HS3ST1: variants seen among roughly 807,000 people sequenced by gnomAD.
The protein encoded by HS3ST1 is heparan sulfate glucosamine 3-O-sulfotransferase 1.
Under a neutral mutation model 20.7 loss-of-function variants are expected in HS3ST1, and 8 were observed. The observed-to-expected ratio is 0.39, with a 90% CI of 0.23 to 0.70. HS3ST1 has a LOEUF of 0.70. Ranked by LOEUF, HS3ST1 falls within the 30% of genes least tolerant of loss-of-function variation. The probability of loss-of-function intolerance (pLI) is 0.46; values close to 1 mark genes in which losing one functional copy is unlikely to be tolerated. For missense variants in HS3ST1, 436 were observed against 423.4 expected, an observed-to-expected ratio of 1.03 and a Z score of -0.26; for synonymous variants, 205 against 190.4, an observed-to-expected ratio of 1.08 and a Z score of -0.63.
chr4:11,427,098 C>CTTT (rs967208615), intron 1 of HS3ST1, among the ~76,000 whole-genome samples: 1 of 151,622 alleles, frequency 6.6e-6, no homozygotes, highest in African/African-American at 2.4e-5. Context: ...TTTCTCCCTC[C>CTTT]TTTTTTTTTC....
upstream of HS3ST1, chr4:11,429,914 G>T (rs1560239913): frequency 6.6e-6 from 1 of 151,922 alleles, no homozygotes; most frequent in Non-Finnish European, 1.5e-5. Flanking sequence ...ATCATACCCC[G>T]CCAAAAGCAA....
upstream of HS3ST1, chr4:11,429,549 C>G (rs1364712399): frequency 6.7e-6 from 1 of 149,142 alleles, no homozygotes; most frequent in Non-Finnish European, 1.5e-5. Flanking sequence ...GAGCCGGCTT[C>G]AAAGAGCGCC....
In HS3ST1 at chr4:11,398,199, C is replaced by CAGA. The variant is rs1718189531; in HGVS notation, c.*880_*882dup. ...GCCAATGTGTCTTTCAGGAAGTAAG[C>CAGA]AGACTTTCAGACTAAGCAAAAGACT... On this transcript the variant is annotated 3_prime_UTR_variant, in exon 2 of 2. Coordinates refer to ENST00000002596, the MANE Select transcript of HS3ST1 (RefSeq NM_005114.4). The CAGA allele has an allele frequency of 6.6e-6, 1 of 152,190 alleles. No individual in the cohort carries two copies. Among genetic ancestry groups the CAGA allele is most frequent in the Admixed American group, 6.5e-5 (1 of 15,278 alleles). 9.4% of individuals were successfully genotyped at this position (152,190 alleles called of 1,614,324 possible). A position where few individuals can be genotyped will look rare whatever the true frequency, so the allele number is the denominator to read the frequency against.
chr4:11,411,859 G>C (rs1441307911), intron 1 of HS3ST1, among the ~76,000 whole-genome samples: 1 of 152,216 alleles, frequency 6.6e-6, no homozygotes, highest in African/African-American at 2.4e-5. Context: ...TTAAGGGCCT[G>C]GGTTTGAATC....
At chr4:11,429,609 A>G (rs2108894266), upstream of HS3ST1, 1 of 125,332 alleles carries the variant, frequency 8.0e-6, no homozygotes, top group East Asian at 2.7e-4. Context: ...CGGAGAGCGG[A>G]CGCCAATTTG....
chr4:11,400,554 T>C (rs1000512156), intron 1 of HS3ST1, among the ~76,000 whole-genome samples: 6 of 152,204 alleles, frequency 3.9e-5, no homozygotes, highest in Non-Finnish European at 7.4e-5. Context: ...AGTCAGAGCA[T>C]GCTAACCCTT....
At chr4:11,430,419 A>G (rs1211266311), upstream of HS3ST1, among the ~76,000 whole-genome samples, 1 of 152,232 alleles carries the variant, frequency 6.6e-6, no homozygotes, top group East Asian at 1.9e-4. Context: ...GCTGTGTAAA[A>G]TCATGTGTGA....
chr4:11,422,216 G>A (rs1018628214), intron 1 of HS3ST1, among the ~76,000 whole-genome samples: 1 of 152,122 alleles, frequency 6.6e-6, no homozygotes, highest in Non-Finnish European at 1.5e-5. Flanking sequence ...TTCTTCTTTG[G>A]CTGTTCTCAC....
At position 11,399,781 on chromosome 4, in the gene HS3ST1, G is replaced by A. The variant is rs1718267342; in HGVS notation, c.225C>T (p.Ser75=). 6.2e-7 allele frequency: 1 copy of A among 1,613,494 alleles called. No homozygotes were observed. ...CCGCGGCCGCCACGTCGGGGTGCAG[G>A]CTGAGCATCTCCAGCAGTGCGCGCG... ...GGTRALLEML[S]LHPDVAAAEN... is the part of the protein sequence containing the mutation. The change falls in exon 2 of 2, where the codon AGC becomes AGT. Residue 75 remains serine (S), a synonymous_variant. Coordinates refer to ENST00000002596, the MANE Select transcript of HS3ST1 (RefSeq NM_005114.4). This position sits in a 1 kb window ranked among gnomAD's most constrained non-coding sequence, Gnocchi z 5.1.
At chr4:11,413,366 G>A (rs566854195) in intron 1 of HS3ST1, among the ~76,000 whole-genome samples, 21 of 152,056 alleles carry the variant, frequency 1.4e-4, no homozygotes, top group African/African-American at 4.3e-4. Flanking sequence ...AGGTATGGAC[G>A]ATTGGGAGTG....
rs760462301 is a variant in HS3ST1 at position 11,399,856 on chromosome 4, A to G, written c.150T>C (p.Ser50=). 3 of 1,612,704 alleles carry G rather than the reference A, an allele frequency of 1.9e-6. No homozygotes were observed. The highest frequency in any genetic ancestry group is 2.7e-5 in the African/African-American group (2 of 74,944). Reference sequence around the variant, plus strand: ...TGATGGTCTGCGGCAACTGCTGGGCAGAGCCGTTTGGGGCCACGCCATCGC... The same window carrying G: ...TGATGGTCTGCGGCAACTGCTGGGCGGAGCCGTTTGGGGCCACGCCATCGC... The part of the protein sequence containing the change: ...DVRDGVAPNG[S]AQQLPQTIII... Residue 50 remains serine, a synonymous_variant, in exon 2 of 2, where the codon TCT becomes TCC. Transcript: ENST00000002596. The surrounding 1 kb of genome is among the most constrained non-coding windows in gnomAD (Gnocchi z 5.1).
At chr4:11,412,326 A>G (rs1300836259) in intron 1 of HS3ST1, among the ~76,000 whole-genome samples, 1 of 152,216 alleles carries the variant, frequency 6.6e-6, no homozygotes, top group Admixed American at 6.5e-5. Context: ...GTAAATTCTA[A>G]GATAGTATAA....
At position 11,398,828 on chromosome 4, in the gene HS3ST1, T is replaced by C; in HGVS notation, c.*254A>G. On this transcript the variant is annotated 3_prime_UTR_variant, in exon 2 of 2. Transcript: ENST00000002596. ...AATCTTTTTTTTTTTTTCAGTGAAA[T>C]AGTTTAGTTCCTTCATATAGAGACA... 3.3e-6 allele frequency: 1 copy of C among 300,058 alleles called. No homozygotes were observed. The highest frequency in any genetic ancestry group is 6.0e-6 in the Non-Finnish European group (1 of 166,612). 18.6% of individuals were successfully genotyped at this position (300,058 alleles called of 1,614,324 possible). A position where few individuals can be genotyped will look rare whatever the true frequency, so the allele number is the denominator to read the frequency against.
rs531989162 is a variant in HS3ST1, at chr4:11,419,992, T to C, written c.-109+8707A>G. ...GAGCTGTAAAGTAGCTCACCTCTTA[T>C]GGCATGGCTGCAAAGCAGCATAGCA... On this transcript the variant is annotated intron_variant, in intron 1 of 1. Transcript: ENST00000002596. 4.6e-5 allele frequency among the ~76,000 whole-genome samples: 7 copies of C among 152,384 alleles called. No homozygotes were observed. In the South Asian group the frequency reaches 1.2e-3, roughly 27 times the overall value.
In HS3ST1 at chr4:11,398,982, A is replaced by G; in HGVS notation, c.*100T>C. ...TACAGAAGTACTTTATGGATTTTACAAATAAATTATACCTTAAATGCTTTT... is the reference window on the plus strand; with the variant it reads ...TACAGAAGTACTTTATGGATTTTACGAATAAATTATACCTTAAATGCTTTT... On this transcript the variant is annotated 3_prime_UTR_variant, in exon 2 of 2. Transcript: ENST00000002596. 1 of 1,081,322 alleles carries G rather than the reference A, an allele frequency of 9.2e-7. No homozygotes were observed. The highest frequency in any genetic ancestry group is 1.3e-6 in the Non-Finnish European group (1 of 751,486). 67.0% of individuals were successfully genotyped at this position (1,081,322 alleles called of 1,614,324 possible). A position where few individuals can be genotyped will look rare whatever the true frequency, so the allele number is the denominator to read the frequency against.
At chr4:11,418,268 C>G (rs185472121) in intron 1 of HS3ST1, among the ~76,000 whole-genome samples, 85 of 152,278 alleles carry the variant, frequency 5.6e-4, no homozygotes, top group Admixed American at 2.2e-3. Context: ...CATTTGTAAT[C>G]TGCTTTTCAA....
At chr4:11,428,081 T>C (rs1719107738) in intron 1 of HS3ST1, among the ~76,000 whole-genome samples, 1 of 151,962 alleles carries the variant, frequency 6.6e-6, no homozygotes, top group Admixed American at 6.5e-5. Context: ...GGGAAAAAAA[T>C]CAGTAAAAAG....
chr4:11,427,282 G>A (rs983183357), intron 1 of HS3ST1, among the ~76,000 whole-genome samples: 3 of 152,218 alleles, frequency 2.0e-5, no homozygotes, highest in Non-Finnish European at 4.4e-5. Flanking sequence ...AAGCGGGAGC[G>A]TGGGGACTCG....
At chr4:11,418,941 AG>A (rs1718855806) in intron 1 of HS3ST1, among the ~76,000 whole-genome samples, 2 of 152,032 alleles carry the variant, frequency 1.3e-5, no homozygotes, top group African/African-American at 4.8e-5. Context: ...CAAGATCATG[AG>A]GTGTTGTGTT....
Sources: allele counts gnomAD v4.1 joint callset (sites outside exome capture counted in the v4.1 genomes callset), GRCh38; gene constraint gnomAD v4.1.1; non-coding constraint Gnocchi (gnomAD v3.1); transcripts MANE v1.5; gene names NCBI Gene and HGNC (gene_info 2026-07-23, HGNC 2026-07-21).